The following FAT3 variants were observed in gnomAD, a reference collection of about 807,000 sequenced individuals.
FAT3 encodes the protein FAT atypical cadherin 3, also known as protocadherin Fat 3.
A neutral mutation model predicts 310.2 loss-of-function variants in FAT3; 95 were observed. The ratio of observed to expected loss-of-function variants is 0.31; its 90% CI spans 0.26 to 0.36. The LOEUF (loss-of-function observed/expected upper bound fraction) is 0.36. Among genes scored for constraint, FAT3 ranks in the 10% least tolerant of loss-of-function variants. The probability of loss-of-function intolerance (pLI) is 1.00; values close to 1 mark genes in which losing one functional copy is unlikely to be tolerated. For synonymous variants in FAT3, 2,314 were observed against 2,192.9 expected, an observed-to-expected ratio of 1.06 and a Z score of -1.54; for missense variants, 5,408 against 5,715.6, an observed-to-expected ratio of 0.95 and a Z score of 1.74.
intron 21 of FAT3, among the ~76,000 whole-genome samples, chr11:92,863,512 G>T (rs1949168329): frequency 1.3e-5 from 2 of 152,118 alleles, no homozygotes; most frequent in Non-Finnish European, 2.9e-5. Flanking sequence ...ATGATCCTGA[G>T]AATCTAAATA....
chr11:92,237,599 C>T (rs1193384356), intron 1 of FAT3, among the ~76,000 whole-genome samples: 1 of 152,062 alleles, frequency 6.6e-6, no homozygotes, highest in Non-Finnish European at 1.5e-5. Context: ...TGCTGCCCTC[C>T]TTCTTCCAAA....
At chr11:92,230,501 C>T (rs1277767691) in intron 1 of FAT3, among the ~76,000 whole-genome samples, 10 of 152,120 alleles carry the variant, frequency 6.6e-5, no homozygotes, top group Admixed American at 6.5e-4. Context: ...ACCATGTTGG[C>T]CAGGCTGGTC....
intron 19 of FAT3, among the ~76,000 whole-genome samples, chr11:92,853,137 G>T (rs1040110324): frequency 3.9e-5 from 6 of 152,234 alleles, no homozygotes; most frequent in African/African-American, 1.4e-4. Context: ...AGTAGTGAGG[G>T]GTGTGTGGGC....
intron 2 of FAT3, among the ~76,000 whole-genome samples, chr11:92,485,120 G>T (rs1952339212): frequency 6.6e-6 from 1 of 152,206 alleles, no homozygotes; most frequent in South Asian, 2.1e-4. Flanking sequence ...AAATCAAACA[G>T]TTCTACAAAT....
chr11:92,568,470 C>T (rs1955554101), intron 3 of FAT3, among the ~76,000 whole-genome samples: 1 of 152,112 alleles, frequency 6.6e-6, no homozygotes, highest in East Asian at 1.9e-4. Flanking sequence ...GACATTGCCT[C>T]ACGGGGATTG....
chr11:92,306,930 A>G, intron 1 of FAT3, among the ~76,000 whole-genome samples: 1 of 149,228 alleles, frequency 6.7e-6, no homozygotes, highest in Non-Finnish European at 1.5e-5. Flanking sequence ...AGCTGGGACT[A>G]CAGACCTGTG....
chr11:92,382,773 C>G (rs142842177), intron 2 of FAT3, among the ~76,000 whole-genome samples: 3 of 152,112 alleles, frequency 2.0e-5, no homozygotes, highest in Non-Finnish European at 4.4e-5. Flanking sequence ...AAGAGTGGTC[C>G]GCATGGAGTC....
intron 2 of FAT3, among the ~76,000 whole-genome samples, chr11:92,422,451 C>T (rs944263850): frequency 6.6e-6 from 1 of 152,154 alleles, no homozygotes; most frequent in African/African-American, 2.4e-5. Context: ...GAGCCAAACT[C>T]CATCTTGAAG....
chr11:92,661,467 C>A (rs1219223762), intron 3 of FAT3, among the ~76,000 whole-genome samples: 1 of 152,138 alleles, frequency 6.6e-6, no homozygotes, highest in Non-Finnish European at 1.5e-5. Context: ...GATCCACATC[C>A]TGCCTCTGAG....
chr11:92,277,283 G>A (rs1400527395), intron 1 of FAT3, among the ~76,000 whole-genome samples: 1 of 152,060 alleles, frequency 6.6e-6, no homozygotes, highest in African/African-American at 2.4e-5. Context: ...TTTATTTTTA[G>A]AGAATGCCTA....
intron 12 of FAT3, among the ~76,000 whole-genome samples, chr11:92,809,407 G>A (rs1947603514): frequency 6.6e-6 from 1 of 152,234 alleles, no homozygotes; most frequent in Non-Finnish European, 1.5e-5. Context: ...CAAAGAGACT[G>A]CCTTTCTGGG....
At chr11:92,290,276 C>G (rs747236278) in intron 1 of FAT3, among the ~76,000 whole-genome samples, 10 of 152,026 alleles carry the variant, frequency 6.6e-5, no homozygotes, top group Admixed American at 1.3e-4. Context: ...TTCAGTCTCC[C>G]TCCTCTAGAA....
At chr11:92,531,347 A>G (rs1383254319) in intron 3 of FAT3, among the ~76,000 whole-genome samples, 1 of 152,090 alleles carries the variant, frequency 6.6e-6, no homozygotes, top group Non-Finnish European at 1.5e-5. Context: ...CATTGTCATT[A>G]TGTCCCCAGG....
chr11:92,775,351 T>C (rs867232774), intron 7 of FAT3, among the ~76,000 whole-genome samples: 1 of 152,224 alleles, frequency 6.6e-6, no homozygotes, highest in Non-Finnish European at 1.5e-5. Flanking sequence ...TTGAAAAATA[T>C]AATGCAACTC....
At chr11:92,346,051 A>G (rs1169980263) in intron 1 of FAT3, among the ~76,000 whole-genome samples, 1 of 152,190 alleles carries the variant, frequency 6.6e-6, no homozygotes, top group Non-Finnish European at 1.5e-5. Flanking sequence ...ATTTTAAAGA[A>G]ATAACCCACA....
chr11:92,318,305 A>G (rs56874142), intron 1 of FAT3, among the ~76,000 whole-genome samples: 4,010 of 152,238 alleles, frequency 0.026, 198 homozygotes, highest in African/African-American at 0.092. Flanking sequence ...ACAAAAGAAG[A>G]TAGGACCATT....
chr11:92,687,357 A>G (rs369563441), intron 3 of FAT3, among the ~76,000 whole-genome samples: 14 of 152,182 alleles, frequency 9.2e-5, no homozygotes, highest in African/African-American at 3.4e-4. Context: ...ACCCAAGTTT[A>G]CCGTTTTTGT....
intron 4 of FAT3, among the ~76,000 whole-genome samples, chr11:92,752,133 A>T (rs537160001): frequency 7.2e-5 from 11 of 152,366 alleles, no homozygotes; most frequent in African/African-American, 2.4e-4. Context: ...CTCAGCCTCA[A>T]CTACTCAACC....
chr11:92,282,690 C>A (rs1946461318), intron 1 of FAT3, among the ~76,000 whole-genome samples: 1 of 151,602 alleles, frequency 6.6e-6, no homozygotes, highest in South Asian at 2.1e-4. Flanking sequence ...GTAAATCACA[C>A]ATATATGTAA....
Sources: allele counts gnomAD v4.1 joint callset (sites outside exome capture counted in the v4.1 genomes callset), GRCh38; gene constraint gnomAD v4.1.1; transcripts MANE v1.5; gene names NCBI Gene and HGNC (gene_info 2026-07-23, HGNC 2026-07-21).